Variants in NRG1 observed in about 807,000 individuals in gnomAD.
NRG1 encodes the protein neuregulin 1, also known as pro-neuregulin-1, membrane-bound isoform.
A neutral mutation model predicts 63.8 loss-of-function variants in NRG1; 18 were observed. The observed-to-expected ratio is 0.28, with a 90% CI of 0.19 to 0.42. The LOEUF (loss-of-function observed/expected upper bound fraction) is 0.42, where lower values mean the gene tolerates loss of function less well. NRG1 is among the 10% of genes least tolerant of loss of function. The probability of loss-of-function intolerance (pLI) is 1.00; values close to 1 mark genes in which losing one functional copy is unlikely to be tolerated. For synonymous variants in NRG1, 302 were observed against 301.3 expected (o/e 1.00, Z -0.02); for missense variants, 762 against 814.7 (o/e 0.94, Z 0.79).
rs543959894 is a variant in NRG1, at chr8:32,376,121, A to G, written c.38-219707A>G. ...AAAGCTTATAAAACTAGGTATAACA[A>G]TGAAGCTGTAAAAGAAAGTAAGAAA... On this transcript the variant is annotated intron_variant, in intron 1 of 10. Transcript: ENST00000519301. 7.9e-5 allele frequency among the ~76,000 whole-genome samples: 12 copies of G among 152,360 alleles called. No homozygotes were observed. The South Asian group carries it at 2.5e-3, about 32-fold the overall frequency.
chr8:31,969,591 G>A (rs1241283744), intron 1 of NRG1, among the ~76,000 whole-genome samples: 1 of 152,136 alleles, frequency 6.6e-6, no homozygotes, highest in Non-Finnish European at 1.5e-5. Context: ...TGTAGAGAAA[G>A]CATGGAAGCT....
intron 1 of NRG1, among the ~76,000 whole-genome samples, chr8:31,924,410 T>G (rs1200343840): frequency 6.6e-6 from 1 of 152,132 alleles, no homozygotes; most frequent in Non-Finnish European, 1.5e-5. Context: ...TGACATAAAG[T>G]TACTGTTCTT....
chr8:32,194,132 C>G (rs189131615), intron 1 of NRG1, among the ~76,000 whole-genome samples: 1 of 152,148 alleles, frequency 6.6e-6, no homozygotes, highest in South Asian at 2.1e-4. Context: ...TCCGTTTCCT[C>G]ATCCCTAAAA....
At chr8:32,681,365 ATGAAGTGTCTC>A (rs1808572128) in intron 5 of NRG1, among the ~76,000 whole-genome samples, 2 of 152,130 alleles carry the variant, frequency 1.3e-5, no homozygotes, top group African/African-American at 4.8e-5. Context: ...TTTAAGTACA[ATGAAGTGTCTC>A]TGCCTTAAGA....
At chr8:31,728,378 C>G (rs1461191098) in intron 1 of NRG1, among the ~76,000 whole-genome samples, 1 of 152,122 alleles carries the variant, frequency 6.6e-6, no homozygotes, top group East Asian at 1.9e-4. Context: ...GCAGGATAAT[C>G]GCTTGAACCC....
rs185966659 is a variant in NRG1 at position 32,260,435 on chromosome 8, G to T, written c.38-335393G>T. ...ATTCCACCCTTCACCTCCACATGGG[G>T]TCAGTCCATAGAACAAAATACCAAA... On this transcript the variant is annotated intron_variant, in intron 1 of 10. Transcript: ENST00000519301. Among the ~76,000 whole-genome samples, 27 of 152,278 alleles carry T rather than the reference G, an allele frequency of 1.8e-4. No individual in the cohort carries two copies. In the East Asian group the frequency reaches 5.0e-3, roughly 28 times the overall value.
intron 1 of NRG1, among the ~76,000 whole-genome samples, chr8:32,170,441 G>T (rs531421521): frequency 6.1e-4 from 93 of 152,294 alleles, no homozygotes; most frequent in African/African-American, 2.1e-3. Flanking sequence ...GTGAAATGCA[G>T]CAGCGAAGAC....
At chr8:32,731,904 A>C (rs1427196359) in intron 6 of NRG1, among the ~76,000 whole-genome samples, 2 of 152,186 alleles carry the variant, frequency 1.3e-5, no homozygotes, top group Non-Finnish European at 2.9e-5. Flanking sequence ...TCCCTGACTA[A>C]AGACATGACT....
chr8:31,641,514 TACCACTG>T (rs1351405191), intron 1 of NRG1, among the ~76,000 whole-genome samples: 1 of 152,214 alleles, frequency 6.6e-6, no homozygotes, highest in African/African-American at 2.4e-5. Flanking sequence ...TTTTCCCACT[TACCACTG>T]AAAAGTATTC....
chr8:31,789,693 C>T (rs1479255278), intron 1 of NRG1, among the ~76,000 whole-genome samples: 1 of 152,280 alleles, frequency 6.6e-6, no homozygotes, highest in Middle Eastern at 3.4e-3. Flanking sequence ...TGAAACCTCC[C>T]ACCTATATGT....
intron 5 of NRG1, among the ~76,000 whole-genome samples, chr8:32,709,735 T>A (rs941650992): frequency 6.6e-6 from 1 of 152,118 alleles, no homozygotes; most frequent in African/African-American, 2.4e-5. Context: ...TTATTATATA[T>A]ATATTTTTTG....
chr8:32,514,596 C>T (rs1358379361), intron 1 of NRG1, among the ~76,000 whole-genome samples: 1 of 151,990 alleles, frequency 6.6e-6, no homozygotes, highest in Non-Finnish European at 1.5e-5. Flanking sequence ...TCAAATATTA[C>T]CAAATGCATG....
intron 1 of NRG1, among the ~76,000 whole-genome samples, chr8:32,091,052 G>T (rs1265029503): frequency 6.6e-6 from 1 of 152,174 alleles, no homozygotes; most frequent in Non-Finnish European, 1.5e-5. Flanking sequence ...GGCCGAGGTG[G>T]GCGGATCACG....
chr8:32,236,830 T>C, intron 1 of NRG1, among the ~76,000 whole-genome samples: 1 of 152,172 alleles, frequency 6.6e-6, no homozygotes, highest in Non-Finnish European at 1.5e-5. Flanking sequence ...AATGTGAACA[T>C]TCTGGCAGTC....
chr8:32,230,565 AG>A (rs1014484418), intron 1 of NRG1, among the ~76,000 whole-genome samples: 1 of 152,138 alleles, frequency 6.6e-6, no homozygotes, highest in Non-Finnish European at 1.5e-5. Flanking sequence ...AGCAGAGAAA[AG>A]TCAATAAATC....
intron 1 of NRG1, among the ~76,000 whole-genome samples, chr8:32,461,697 A>G (rs1230894508): frequency 1.3e-5 from 2 of 152,184 alleles, no homozygotes; most frequent in South Asian, 2.1e-4. Flanking sequence ...TGTCTCCAAA[A>G]AAAAGAAAAG....
At chr8:32,749,621 T>G in intron 7 of NRG1, 1 of 1,606,636 alleles carries the variant, frequency 6.2e-7, no homozygotes, top group Non-Finnish European at 8.5e-7. Flanking sequence ...GCCTGCAGAA[T>G]TTAGAGCCTA....
chr8:31,665,420 G>C (rs865911389), intron 1 of NRG1, among the ~76,000 whole-genome samples: 2 of 152,250 alleles, frequency 1.3e-5, no homozygotes, highest in Middle Eastern at 6.8e-3. Flanking sequence ...TAAGGGTACA[G>C]GTCATTTGGG....
chr8:32,139,933 A>T (rs1030699378), intron 1 of NRG1, among the ~76,000 whole-genome samples: 57 of 152,188 alleles, frequency 3.7e-4, no homozygotes, highest in African/African-American at 1.3e-3. Flanking sequence ...TGCTTAAGGT[A>T]TTTATCTGTA....
Sources: gnomAD v4.1 joint callset for allele counts (sites outside exome capture counted in the v4.1 genomes callset) on GRCh38, gnomAD v4.1.1 for gene constraint, MANE v1.5 for transcripts, NCBI Gene and HGNC (gene_info 2026-07-23, HGNC 2026-07-21) for gene names.